Variants in PCDH11X observed in about 807,000 individuals in gnomAD.
PCDH11X encodes protocadherin-11 X-linked.
In PCDH11X, 18 loss-of-function variants were observed where a neutral mutation model predicts 53.3. The observed-to-expected ratio is 0.34, with a 90% CI of 0.23 to 0.50. PCDH11X has a LOEUF of 0.50. PCDH11X is among the 20% of genes least tolerant of loss of function. The pLI, the probability that PCDH11X is intolerant of heterozygous loss-of-function variation, is 0.98. For synonymous variants in PCDH11X, 279 were observed against 393.3 expected (o/e 0.71, Z 3.44); for missense variants, 570 against 1,032.4 (o/e 0.55, Z 6.14).
chrX:92,452,544 C>A (rs1259918762), intron 9 of PCDH11X, among the ~76,000 whole-genome samples: 1 of 83,648 alleles, frequency 1.2e-5, no homozygotes, highest in Non-Finnish European at 2.2e-5. Flanking sequence ...TGTCACCAGG[C>A]TGGAGTGCAG....
intron 4 of PCDH11X, among the ~76,000 whole-genome samples, chrX:91,812,327 G>T (rs1433315976): frequency 9.0e-6 from 1 of 110,575 alleles, no homozygotes; most frequent in Non-Finnish European, 1.9e-5. Flanking sequence ...CTTTTTACAT[G>T]ATTCTTTTTC....
chrX:92,404,097 A>G (rs2071457152), intron 9 of PCDH11X, among the ~76,000 whole-genome samples: 1 of 107,421 alleles, frequency 9.3e-6, no homozygotes, highest in Non-Finnish European at 1.9e-5. Context: ...TATTTTGTAA[A>G]TGACCTAGCC....
chrX:92,162,889 A>G (rs1351862382), intron 6 of PCDH11X, among the ~76,000 whole-genome samples: 1 of 108,291 alleles, frequency 9.2e-6, no homozygotes, highest in Non-Finnish European at 1.9e-5. Context: ...ACAGGGCCCT[A>G]GAACTCCCAA....
intron 6 of PCDH11X, among the ~76,000 whole-genome samples, chrX:92,161,252 CTG>C (rs1265375839): frequency 3.6e-5 from 4 of 111,693 alleles, no homozygotes; most frequent in Non-Finnish European, 5.6e-5. Flanking sequence ...CTGAAAAAGA[CTG>C]TATCTTTTCT....
At chrX:92,126,393 C>T (rs2064862406) in intron 6 of PCDH11X, among the ~76,000 whole-genome samples, 1 of 110,877 alleles carries the variant, frequency 9.0e-6, no homozygotes, top group South Asian at 3.7e-4. Context: ...GGTGGATCAC[C>T]TGAGGTTAGG....
At chrX:92,423,754 C>G (rs113869045) in intron 9 of PCDH11X, among the ~76,000 whole-genome samples, 39,278 of 95,655 alleles carry the variant, frequency 0.41, 9,028 homozygotes, top group East Asian at 0.75. Flanking sequence ...GGTATACTTT[C>G]GCCACTTTAT....
intron 8 of PCDH11X, among the ~76,000 whole-genome samples, chrX:92,325,872 T>A (rs1423185129): frequency 9.0e-6 from 1 of 111,516 alleles, no homozygotes; most frequent in Non-Finnish European, 1.9e-5. Context: ...CTCCTGTTAT[T>A]TCTCTCTGTA....
chrX:91,976,833 C>A (rs770862222), intron 6 of PCDH11X, among the ~76,000 whole-genome samples: 1 of 111,986 alleles, frequency 8.9e-6, no homozygotes, highest in South Asian at 3.7e-4. Flanking sequence ...ACATATGGTG[C>A]TTTTTACCAC....
chrX:92,601,982 C>A (rs942069471), intron 10 of PCDH11X, among the ~76,000 whole-genome samples: 4 of 111,952 alleles, frequency 3.6e-5, no homozygotes, highest in African/African-American at 1.3e-4. Context: ...TGCCCATACT[C>A]CAATTCACTT....
intron 6 of PCDH11X, among the ~76,000 whole-genome samples, chrX:91,953,721 T>G (rs2061672475): frequency 1.8e-5 from 2 of 109,909 alleles, no homozygotes; most frequent in Admixed American, 1.9e-4. Context: ...GTTTTAATAT[T>G]CTCTATTTAC....
chrX:91,800,864 T>C (rs898671558), intron 1 of PCDH11X, among the ~76,000 whole-genome samples: 2 of 108,514 alleles, frequency 1.8e-5, no homozygotes, highest in African/African-American at 6.7e-5. Flanking sequence ...CATTTTTACT[T>C]AAAACATAGA....
chrX:92,114,257 C>G (rs2064587926), intron 6 of PCDH11X: 3 of 928,416 alleles, frequency 3.2e-6, no homozygotes, highest in Non-Finnish European at 4.7e-6. Context: ...ACATTATAAC[C>G]CCTGATACAA....
At chrX:92,475,349 G>A (rs2073360416) in intron 10 of PCDH11X, among the ~76,000 whole-genome samples, 1 of 110,376 alleles carries the variant, frequency 9.1e-6, no homozygotes, top group South Asian at 3.8e-4. Flanking sequence ...TTTCCTGAAG[G>A]ACAGGTCTGG....
intron 6 of PCDH11X, among the ~76,000 whole-genome samples, chrX:91,912,548 C>T (rs1345520538): frequency 9.0e-6 from 1 of 110,514 alleles, no homozygotes; most frequent in Non-Finnish European, 1.9e-5. Flanking sequence ...GATCTTCATT[C>T]TGTTGATATG....
rs186960526 is a variant in PCDH11X, at chrX:91,785,540, T to A, written c.-379+5856T>A. ...TGGGAAGGGAAGAAAGAGTACGCTG[T>A]AAAAATACATTTTTCATCAAAGACA... is the stretch of plus-strand genomic sequence containing the variant. On this transcript the variant is annotated intron_variant, in intron 1 of 10. Transcript: ENST00000682573. 2.9e-3 allele frequency among the ~76,000 whole-genome samples: 330 copies of A among 112,372 alleles called. 2 individuals carry two copies. Among genetic ancestry groups the A allele is most frequent in the African/African-American group, 0.01 (322 of 30,989 alleles).
intron 9 of PCDH11X, among the ~76,000 whole-genome samples, chrX:92,406,870 T>TA (rs2071530611): frequency 9.8e-6 from 1 of 101,987 alleles, no homozygotes. Flanking sequence ...GAGGTTGCAG[T>TA]AAGCCGAGAT....
intron 9 of PCDH11X, among the ~76,000 whole-genome samples, chrX:92,443,075 C>G (rs2072549945): frequency 9.5e-6 from 1 of 105,509 alleles, no homozygotes; most frequent in East Asian, 3.0e-4. Flanking sequence ...TCACCAGCAT[C>G]TGTTGTTTTT....
intron 7 of PCDH11X, among the ~76,000 whole-genome samples, chrX:92,255,734 C>A (rs369003211): frequency 8.9e-6 from 1 of 112,186 alleles, no homozygotes; most frequent in Non-Finnish European, 1.9e-5. Flanking sequence ...CTGGAGGGTG[C>A]CTCCCAGTTA....
At chrX:91,810,702 T>C (rs746188279) in intron 3 of PCDH11X, 124 bp downstream of exon 3, 1 of 112,173 alleles carries the variant, frequency 8.9e-6, no homozygotes, top group African/African-American at 3.2e-5. Context: ...GAAATAGATA[T>C]GTAGGTAATC....
Sources: gnomAD v4.1 joint callset for allele counts (sites outside exome capture counted in the v4.1 genomes callset) on GRCh38, gnomAD v4.1.1 for gene constraint, MANE v1.5 for transcripts, NCBI Gene and HGNC (gene_info 2026-07-23, HGNC 2026-07-21) for gene names.